PCCA: variants seen among roughly 807,000 people sequenced by gnomAD.
The protein encoded by PCCA is propionyl-CoA carboxylase alpha chain, mitochondrial.
In PCCA, 74 loss-of-function variants were observed where a neutral mutation model predicts 101.3. That is an observed-to-expected ratio of 0.73 (90% CI 0.61 to 0.89). PCCA has a LOEUF of 0.89. PCCA is among the 40% of genes least tolerant of loss of function. The probability of loss-of-function intolerance (pLI) is 0.00; values close to 1 mark genes in which losing one functional copy is unlikely to be tolerated. For missense variants in PCCA, 891 were observed against 907.0 expected, an observed-to-expected ratio of 0.98 and a Z score of 0.23; for synonymous variants, 294 against 313.6, an observed-to-expected ratio of 0.94 and a Z score of 0.66.
At chr13:100,266,762 A>G (rs2062964527) in intron 10 of PCCA, among the ~76,000 whole-genome samples, 1 of 152,172 alleles carries the variant, frequency 6.6e-6, no homozygotes, top group Non-Finnish European at 1.5e-5. Context: ...GTATTTCTCA[A>G]CCAGGGCACT....
intron 19 of PCCA, among the ~76,000 whole-genome samples, chr13:100,418,284 C>T (rs946145109): frequency 6.6e-6 from 1 of 152,184 alleles, no homozygotes; most frequent in Admixed American, 6.5e-5. Context: ...ATACCAAGGG[C>T]ACAGTTAACA....
intron 17 of PCCA, among the ~76,000 whole-genome samples, chr13:100,339,549 C>T (rs148443878): frequency 2.9e-4 from 44 of 152,312 alleles, no homozygotes; most frequent in African/African-American, 1.1e-3. Context: ...TCACTCACCC[C>T]AGGCCTTTGC....
chr13:100,158,499 C>T (rs771793401), intron 6 of PCCA, among the ~76,000 whole-genome samples: 4 of 152,226 alleles, frequency 2.6e-5, no homozygotes, highest in Non-Finnish European at 5.9e-5. Context: ...TACATGGACA[C>T]ATCCAGAGGT....
chr13:100,223,296 G>A (rs1313835844), intron 7 of PCCA, among the ~76,000 whole-genome samples: 7 of 152,198 alleles, frequency 4.6e-5, no homozygotes, highest in Non-Finnish European at 2.9e-5. Context: ...CGCGGTGAGT[G>A]TTACAGCTCT....
At chr13:100,201,857 CAAAAAAAAAAAAA>C (rs55669622) in intron 6 of PCCA, among the ~76,000 whole-genome samples, 2 of 60,730 alleles carry the variant, frequency 3.3e-5, no homozygotes, top group Non-Finnish European at 5.6e-5. Flanking sequence ...AACTGCGTCT[CAAAAAAAAAAAAA>C]AAAAAAAAAA....
intron 7 of PCCA, among the ~76,000 whole-genome samples, chr13:100,226,455 A>G (rs776241918): frequency 1.3e-5 from 2 of 152,170 alleles, no homozygotes; most frequent in Admixed American, 6.5e-5. Context: ...CTGAATCATG[A>G]ATGGTGGTCG....
intron 7 of PCCA, among the ~76,000 whole-genome samples, chr13:100,213,268 T>C (rs2059333320): frequency 6.6e-6 from 1 of 152,224 alleles, no homozygotes; most frequent in African/African-American, 2.4e-5. Flanking sequence ...GTGGGATTGC[T>C]GGATCATATG....
At chr13:100,458,456 C>T (rs865912885) in intron 21 of PCCA, among the ~76,000 whole-genome samples, 5 of 92,242 alleles carry the variant, frequency 5.4e-5, no homozygotes, top group African/African-American at 1.6e-4. Context: ...CACACACACA[C>T]ACACACACAC....
At chr13:100,254,199 TG>T (rs2061935103) in intron 8 of PCCA, among the ~76,000 whole-genome samples, 2 of 152,182 alleles carry the variant, frequency 1.3e-5, no homozygotes, top group African/African-American at 4.8e-5. Context: ...GAGGACAGTG[TG>T]GGGAAAACCG....
intron 6 of PCCA, among the ~76,000 whole-genome samples, chr13:100,173,145 T>G (rs1039471262): frequency 6.6e-6 from 1 of 152,196 alleles, no homozygotes; most frequent in African/African-American, 2.4e-5. Context: ...TCCCAAAAGC[T>G]AGCAGTGGGA....
intron 21 of PCCA, among the ~76,000 whole-genome samples, chr13:100,452,104 T>TCTCTCTCTCTCCTC (rs2081364350): frequency 9.2e-6 from 1 of 109,260 alleles, no homozygotes; most frequent in African/African-American, 3.6e-5. Context: ...CTCCTCTTCC[T>TCTCTCTCTCTCCTC]TTCTCTCTCT....
intron 6 of PCCA, among the ~76,000 whole-genome samples, chr13:100,166,364 G>T (rs1269566870): frequency 1.3e-5 from 2 of 152,148 alleles, no homozygotes; most frequent in African/African-American, 4.8e-5. Flanking sequence ...GCCCAGGCTA[G>T]AGTGCAGTGG....
chr13:100,291,837 G>T (rs1173967640), intron 12 of PCCA, among the ~76,000 whole-genome samples: 1 of 152,160 alleles, frequency 6.6e-6, no homozygotes, highest in Non-Finnish European at 1.5e-5. Context: ...TTCCCCTGAG[G>T]TCCATGGCTC....
At chr13:100,272,115 T>A (rs2063348169) in intron 11 of PCCA, among the ~76,000 whole-genome samples, 1 of 152,240 alleles carries the variant, frequency 6.6e-6, no homozygotes, top group African/African-American at 2.4e-5. Context: ...TTTCAGGGTT[T>A]GTTGAAGTCA....
At chr13:100,238,479 C>A (rs752705989) in intron 8 of PCCA, among the ~76,000 whole-genome samples, 2 of 152,040 alleles carry the variant, frequency 1.3e-5, no homozygotes, top group Non-Finnish European at 2.9e-5. Context: ...TCTTCTAATT[C>A]TTCCCCAATT....
chr13:100,242,881 A>G (rs1457033918), intron 8 of PCCA, among the ~76,000 whole-genome samples: 1 of 152,180 alleles, frequency 6.6e-6, no homozygotes. Context: ...ACTATTTTAT[A>G]GTAAAATTTT....
intron 4 of PCCA, among the ~76,000 whole-genome samples, chr13:100,138,008 T>C (rs1306031031): frequency 6.6e-6 from 1 of 151,954 alleles, no homozygotes; most frequent in African/African-American, 2.4e-5. Flanking sequence ...AGGCTGGTCT[T>C]GAACTCCTGG....
chr13:100,288,023 G>A (rs534510294), intron 12 of PCCA, among the ~76,000 whole-genome samples: 2 of 152,120 alleles, frequency 1.3e-5, no homozygotes, highest in African/African-American at 2.4e-5. Context: ...TAAGATTATC[G>A]ATTGTTTTAT....
At chr13:100,157,651 T>C (rs1285429402) in intron 6 of PCCA, among the ~76,000 whole-genome samples, 2 of 152,210 alleles carry the variant, frequency 1.3e-5, no homozygotes, top group Non-Finnish European at 2.9e-5. Context: ...TTAGGGAGTT[T>C]AGTGAGTTAT....
Sources: allele counts gnomAD v4.1 joint callset (sites outside exome capture counted in the v4.1 genomes callset), GRCh38; gene constraint gnomAD v4.1.1; transcripts MANE v1.5; gene names NCBI Gene and HGNC (gene_info 2026-07-23, HGNC 2026-07-21).